Variants in AHI1 observed in about 807,000 individuals in gnomAD.
AHI1 encodes the protein Abelson helper integration site 1, also known as jouberin.
AHI1 carries 123 observed loss-of-function variants against 149.3 expected under a neutral mutation model. The ratio of observed to expected loss-of-function variants is 0.82; its 90% CI spans 0.71 to 0.96. The LOEUF is 0.96. AHI1 is among the 40% of genes least tolerant of loss of function. The pLI, the probability that AHI1 is intolerant of heterozygous loss-of-function variation, is 0.00. For synonymous variants in AHI1, 475 were observed against 459.8 expected (o/e 1.03, Z -0.42); for missense variants, 1,439 against 1,422.7 (o/e 1.01, Z -0.18).
In AHI1 at chr6:135,363,144, G is replaced by C. The variant is rs1353406885; in HGVS notation, c.3110-4957C>G. Among the ~76,000 whole-genome samples, 4 of 151,748 alleles carry C rather than the reference G, an allele frequency of 2.6e-5. 1 individual carries two copies. In the East Asian group the frequency reaches 7.7e-4, roughly 29 times the overall value. On this transcript the variant is annotated intron_variant, in intron 23 of 28. Coordinates refer to ENST00000265602, the MANE Select transcript of AHI1 (RefSeq NM_001134831.2). Reference sequence around the variant, plus strand: ...GACAATAGTGGAGGGAAGGTCAGTAGATAAACAAGTGAACAAAGGTCTCTG... The same window carrying C: ...GACAATAGTGGAGGGAAGGTCAGTACATAAACAAGTGAACAAAGGTCTCTG...
At chr6:135,326,334 G>C (rs1209236110) in intron 24 of AHI1, among the ~76,000 whole-genome samples, 1 of 152,212 alleles carries the variant, frequency 6.6e-6, no homozygotes, top group Non-Finnish European at 1.5e-5. Flanking sequence ...CTGCAAGCCA[G>C]CAGGAGAGGC....
At chr6:135,399,988 C>A (rs1280682488) in intron 22 of AHI1, among the ~76,000 whole-genome samples, 2 of 152,000 alleles carry the variant, frequency 1.3e-5, no homozygotes, top group Admixed American at 6.6e-5. Flanking sequence ...TGGATTATTA[C>A]ATCACACGGG....
chr6:135,315,366 A>G (rs1440334542), intron 26 of AHI1, among the ~76,000 whole-genome samples: 3 of 152,160 alleles, frequency 2.0e-5, no homozygotes, highest in African/African-American at 7.2e-5. Flanking sequence ...TTTCCGTGTG[A>G]TGCTATGCCT....
chr6:135,337,931 G>A (rs991949348), intron 24 of AHI1, among the ~76,000 whole-genome samples: 8 of 152,138 alleles, frequency 5.3e-5, no homozygotes, highest in African/African-American at 1.7e-4. Flanking sequence ...TCGCGTACAT[G>A]CATATGAGCA....
intron 8 of AHI1, among the ~76,000 whole-genome samples, chr6:135,460,083 T>G (rs781770873): frequency 1.7e-4 from 26 of 152,014 alleles, no homozygotes; most frequent in Non-Finnish European, 2.8e-4. Flanking sequence ...CTTGGAAGAC[T>G]GAGGTGGGAA....
Position 135,455,839 on chromosome 6 carries a change from T to C in AHI1, c.1239A>G (p.Leu413=). 1 of 1,600,274 alleles carries C rather than the reference T, an allele frequency of 6.2e-7. No homozygotes were observed. Among genetic ancestry groups the C allele is most frequent in the Non-Finnish European group, 8.5e-7 (1 of 1,171,980 alleles). The change falls in exon 10 of 29, where the codon TTA becomes TTG. Residue 413 remains leucine, a synonymous_variant. Coordinates refer to ENST00000265602, the MANE Select transcript of AHI1 (RefSeq NM_001134831.2). ...IMTQPYDFKQ[L]KSRLPEWEEQ... ...CTTCCCACTCTGGAAGTCTTGATTTTAACTGTTTAAAATCATATGGCTGGG... is the reference window on the plus strand; with the variant it reads ...CTTCCCACTCTGGAAGTCTTGATTTCAACTGTTTAAAATCATATGGCTGGG...
intron 5 of AHI1, chr6:135,490,189 A>G (rs759569345): frequency 2.8e-6 from 2 of 724,522 alleles, no homozygotes; most frequent in Non-Finnish European, 5.2e-6. Context: ...ACATAAAAGG[A>G]TAATTATTAC....
At chr6:135,436,768 A>C (rs907799535) in intron 15 of AHI1, among the ~76,000 whole-genome samples, 1 of 151,902 alleles carries the variant, frequency 6.6e-6, no homozygotes, top group East Asian at 1.9e-4. Context: ...CACCCGGCTT[A>C]TTTTTGTATT....
intron 26 of AHI1, chr6:135,306,738 C>G (rs1784575265): frequency 6.6e-6 from 1 of 152,292 alleles, no homozygotes; most frequent in South Asian, 2.1e-4. Context: ...AATGTCCCCC[C>G]ACCAGGCCTG....
chr6:135,393,276 G>T (rs1382685896), intron 23 of AHI1, among the ~76,000 whole-genome samples: 1 of 150,276 alleles, frequency 6.7e-6, no homozygotes, highest in African/African-American at 2.4e-5. Context: ...TACAAAAAAT[G>T]AAAAAAAAAT....
intron 26 of AHI1, chr6:135,302,759 GGA>G (rs1784039660): frequency 7.8e-7 from 1 of 1,288,086 alleles, no homozygotes; most frequent in Non-Finnish European, 1.0e-6. Context: ...AGTTACTCAT[GGA>G]GGCAGAAGCA....
intron 26 of AHI1, among the ~76,000 whole-genome samples, chr6:135,311,680 A>T (rs2128366708): frequency 6.6e-6 from 1 of 152,366 alleles, no homozygotes; most frequent in East Asian, 1.9e-4. Flanking sequence ...AGTCCAAAAC[A>T]CAAAAAATAG....
intron 22 of AHI1, among the ~76,000 whole-genome samples, chr6:135,397,638 T>G (rs1651588690): frequency 6.6e-6 from 1 of 152,072 alleles, no homozygotes; most frequent in Admixed American, 6.6e-5. Context: ...GGGGTTAATT[T>G]TCATGTTAAA....
At chr6:135,372,673 T>C (rs953838516) in intron 23 of AHI1, among the ~76,000 whole-genome samples, 2 of 152,012 alleles carry the variant, frequency 1.3e-5, no homozygotes, top group Non-Finnish European at 2.9e-5. Context: ...GGGTGAGACT[T>C]TGTCAAATAC....
chr6:135,286,422 C>G (rs1461874439), intron 28 of AHI1: 1 of 152,206 alleles, frequency 6.6e-6, no homozygotes, highest in African/African-American at 2.4e-5. Context: ...TGTCCTTCTT[C>G]TAAAGAGAAA....
chr6:135,391,856 T>C (rs1330841760), intron 23 of AHI1, among the ~76,000 whole-genome samples: 1 of 152,136 alleles, frequency 6.6e-6, no homozygotes, highest in Non-Finnish European at 1.5e-5. Flanking sequence ...AAATACAGCA[T>C]GGGCAAGTGG....
rs139729283 is a variant in AHI1 at position 135,395,324 on chromosome 6, T to C, written c.2989-428A>G. Among the ~76,000 whole-genome samples, 14 of 152,100 alleles carry C rather than the reference T, an allele frequency of 9.2e-5. No homozygotes were observed. In the East Asian group the frequency reaches 2.5e-3, roughly 27 times the overall value. On this transcript the variant is annotated intron_variant, in intron 22 of 28. Transcript: ENST00000265602. The stretch of plus-strand genomic sequence containing the variant: ...AGAGATACACAGAAAACACCTGTAC[T>C]ACTCATGTTTATATACATCATGGTG...
intron 20 of AHI1, among the ~76,000 whole-genome samples, chr6:135,426,735 G>A (rs1783965355): frequency 6.6e-6 from 1 of 151,552 alleles, no homozygotes; most frequent in Admixed American, 6.6e-5. Context: ...CAGAATGATA[G>A]AATAGTGTAA....
chr6:135,301,809 C>G (rs2128352915), intron 26 of AHI1: 1 of 985,412 alleles, frequency 1.0e-6, no homozygotes, highest in Non-Finnish European at 1.2e-6. Context: ...GAAAAAAGTA[C>G]ATACACACGG....
Sources: allele counts gnomAD v4.1 joint callset (sites outside exome capture counted in the v4.1 genomes callset), GRCh38; gene constraint gnomAD v4.1.1; transcripts MANE v1.5; gene names NCBI Gene and HGNC (gene_info 2026-07-23, HGNC 2026-07-21).